The following SPACA6 variants were observed in gnomAD, a reference collection of about 807,000 sequenced individuals.
The protein encoded by SPACA6 is sperm acrosome associated 6, also known as sperm acrosome membrane-associated protein 6.
For missense variants in SPACA6, 8 were observed against 2.8 expected (o/e 2.88, Z -1.34); for synonymous variants, 6 against 1.5 (o/e 4.05, Z -2.21).
At chr19:51,689,876 C>G (rs1423090768), upstream of SPACA6, among the ~76,000 whole-genome samples, 1 of 151,260 alleles carries the variant, frequency 6.6e-6, no homozygotes, top group Non-Finnish European at 1.5e-5. Flanking sequence ...GCGAGCTGCC[C>G]GAGCCCTCGG....
chr19:51,697,044 G>A (rs2083435690), intron 2 of SPACA6, among the ~76,000 whole-genome samples: 2 of 152,120 alleles, frequency 1.3e-5, no homozygotes, highest in South Asian at 4.1e-4. Context: ...CAGATTTCTG[G>A]GCTTCACCAC....
At chr19:51,695,532 C>T (rs562641714) in intron 2 of SPACA6, among the ~76,000 whole-genome samples, 1 of 152,364 alleles carries the variant, frequency 6.6e-6, no homozygotes. Context: ...AGGTTCCCAT[C>T]CACCCAGGGG....
At chr19:51,688,435 C>T (rs1239488268), upstream of SPACA6, 2 of 152,380 alleles carry the variant, frequency 1.3e-5, no homozygotes, top group African/African-American at 4.8e-5. Flanking sequence ...TGTGTCATAC[C>T]CAGATCACCC....
At chr19:51,692,004 G>A (rs977269270), upstream of SPACA6, among the ~76,000 whole-genome samples, 3 of 152,162 alleles carry the variant, frequency 2.0e-5, no homozygotes, top group Non-Finnish European at 2.9e-5. This position sits in a 1 kb window ranked among gnomAD's most constrained non-coding sequence, Gnocchi z 5.6. Flanking sequence ...GTGTCAGGGA[G>A]AGGACTGGTG....
upstream of SPACA6, among the ~76,000 whole-genome samples, chr19:51,691,609 T>G (rs1288709805): frequency 6.7e-6 from 1 of 150,014 alleles, no homozygotes; most frequent in Non-Finnish European, 1.5e-5. Flanking sequence ...GGGAGGGATG[T>G]CCTGATGCAG....
chr19:51,702,447 T>G (rs1264415376), intron 3 of SPACA6, 182 bp from the exon 4 acceptor site: 2 of 392,144 alleles, frequency 5.1e-6, no homozygotes, highest in African/African-American at 2.1e-5. Flanking sequence ...AGTGGAATGC[T>G]CAGGCTTGGC....
At chr19:51,684,134 G>C (rs1326098149), upstream of SPACA6, among the ~76,000 whole-genome samples, 1 of 152,148 alleles carries the variant, frequency 6.6e-6, no homozygotes, top group South Asian at 2.1e-4. Context: ...AGGTTTTTTT[G>C]GGGGGAGAAG....
chr19:51,712,663 G>A (rs1211480969), downstream of SPACA6, among the ~76,000 whole-genome samples: 3 of 152,166 alleles, frequency 2.0e-5, no homozygotes, highest in African/African-American at 4.8e-5. Context: ...GGAAGAAGGT[G>A]GAGTGTATGG....
At chr19:51,707,092 GCTTA>G (rs2083519499), downstream of SPACA6, among the ~76,000 whole-genome samples, 1 of 152,278 alleles carries the variant, frequency 6.6e-6, no homozygotes, top group Non-Finnish European at 1.5e-5. Context: ...TTTATTGAGT[GCTTA>G]CTATTTTGTC....
chr19:51,709,801 A>C (rs1271016840), downstream of SPACA6, among the ~76,000 whole-genome samples: 1 of 152,088 alleles, frequency 6.6e-6, no homozygotes, highest in Non-Finnish European at 1.5e-5. Context: ...AGCCCTGGGG[A>C]ACAAGGTCGT....
intron 8 of SPACA6, chr19:51,704,848 ACC>A (rs371035195): frequency 7.5e-5 from 10 of 132,678 alleles, no homozygotes; most frequent in South Asian, 3.2e-4. Flanking sequence ...AAGCCCCCGG[ACC>A]CCCTCCTCCC....
the SPACA6 span, among the ~76,000 whole-genome samples, chr19:51,683,790 T>C: frequency 6.6e-6 from 1 of 152,208 alleles, no homozygotes; most frequent in Non-Finnish European, 1.5e-5. Flanking sequence ...ACTATTATTA[T>C]TACACCCATT....
At chr19:51,705,763 G>A (rs2083513117), downstream of SPACA6, among the ~76,000 whole-genome samples, 1 of 151,974 alleles carries the variant, frequency 6.6e-6, no homozygotes, top group South Asian at 2.1e-4. Flanking sequence ...GTGATGTGAT[G>A]TCAGCTCACT....
intron 1 of SPACA6, chr19:51,694,202 G>T: frequency 3.0e-6 from 1 of 334,016 alleles, no homozygotes; most frequent in Non-Finnish European, 5.4e-6. Flanking sequence ...GAGGGTGGAA[G>T]ATGGAGACTC....
chr19:51,707,209 CA>C (rs1169569772), downstream of SPACA6, among the ~76,000 whole-genome samples: 1 of 149,034 alleles, frequency 6.7e-6, no homozygotes, highest in Non-Finnish European at 1.5e-5. Flanking sequence ...GACAGTAAAA[CA>C]AAACTGTTTC....
At chr19:51,701,213 C>T (rs2083466118) in intron 2 of SPACA6, among the ~76,000 whole-genome samples, 1 of 145,810 alleles carries the variant, frequency 6.9e-6, no homozygotes, top group African/African-American at 2.6e-5. Flanking sequence ...CAGTGAGACA[C>T]TGTCTGAATA....
intron 3 of SPACA6, 73 bp from the exon 4 acceptor site, chr19:51,702,556 A>G (rs1014598777): frequency 5.1e-6 from 2 of 392,496 alleles, no homozygotes; most frequent in African/African-American, 4.4e-5. Flanking sequence ...GCCTTGTAAC[A>G]TTAGCTAGGG....
chr19:51,690,398 G>C (rs1484785105), upstream of SPACA6, among the ~76,000 whole-genome samples: 1 of 152,008 alleles, frequency 6.6e-6, no homozygotes, highest in East Asian at 1.9e-4. Flanking sequence ...TTCAGGCTCC[G>C]GCATCTTTCT....
intron 8 of SPACA6, 63 bp downstream of exon 8, chr19:51,704,543 A>G (rs984093649): frequency 5.0e-6 from 2 of 400,652 alleles, no homozygotes; most frequent in African/African-American, 4.1e-5. Context: ...TCCCACCGAG[A>G]AGTCTGGGTT....
Sources: allele counts gnomAD v4.1 joint callset (sites outside exome capture counted in the v4.1 genomes callset), GRCh38; gene constraint gnomAD v4.1.1; non-coding constraint Gnocchi (gnomAD v3.1); transcripts MANE v1.5; gene names NCBI Gene and HGNC (gene_info 2026-07-23, HGNC 2026-07-21).